PPP1R16B: variants seen among roughly 807,000 people sequenced by gnomAD.
PPP1R16B encodes protein phosphatase 1 regulatory subunit 16B, also known as protein phosphatase 1 regulatory inhibitor subunit 16B.
A neutral mutation model predicts 61.7 loss-of-function variants in PPP1R16B; 14 were observed. The ratio of observed to expected loss-of-function variants is 0.23; its 90% CI spans 0.15 to 0.35. PPP1R16B has a LOEUF of 0.35. Ranked by LOEUF, PPP1R16B falls within the 10% of genes least tolerant of loss-of-function variation. The probability of loss-of-function intolerance (pLI) is 1.00; values close to 1 mark genes in which losing one functional copy is unlikely to be tolerated. For missense variants in PPP1R16B, 547 were observed against 752.5 expected, an observed-to-expected ratio of 0.73 and a Z score of 3.19; for synonymous variants, 266 against 305.3, an observed-to-expected ratio of 0.87 and a Z score of 1.34.
intron 1 of PPP1R16B, among the ~76,000 whole-genome samples, chr20:38,818,458 G>T (rs1344879505): frequency 3.9e-5 from 6 of 152,186 alleles, no homozygotes; most frequent in Non-Finnish European, 7.3e-5. Flanking sequence ...GGTTTAGGCT[G>T]AGAGCTTGAA....
chr20:38,901,922 T>G (rs2085397435), intron 5 of PPP1R16B, among the ~76,000 whole-genome samples: 1 of 152,230 alleles, frequency 6.6e-6, no homozygotes, highest in Admixed American at 6.5e-5. Flanking sequence ...TTTGCTTACA[T>G]TCTAATGGTA....
chr20:38,886,058 G>T (rs2085242676), intron 2 of PPP1R16B, among the ~76,000 whole-genome samples: 1 of 152,194 alleles, frequency 6.6e-6, no homozygotes, highest in Non-Finnish European at 1.5e-5. Flanking sequence ...TTACAGGCAT[G>T]AGCCACCGTG....
At chr20:38,823,222 A>C (rs2084783626) in intron 1 of PPP1R16B, among the ~76,000 whole-genome samples, 1 of 152,218 alleles carries the variant, frequency 6.6e-6, no homozygotes, top group South Asian at 2.1e-4. Context: ...AACTTCACTT[A>C]CCAAAATGTA....
intron 5 of PPP1R16B, among the ~76,000 whole-genome samples, chr20:38,902,109 C>T (rs574049219): frequency 1.3e-5 from 2 of 152,286 alleles, no homozygotes; most frequent in African/African-American, 2.4e-5. Context: ...ACTTTTAAGA[C>T]AGGAATGGGA....
intron 2 of PPP1R16B, among the ~76,000 whole-genome samples, chr20:38,881,044 C>T (rs2085200066): frequency 6.6e-6 from 1 of 152,170 alleles, no homozygotes; most frequent in South Asian, 2.1e-4. Flanking sequence ...GGGCTGGCTC[C>T]TGGGACCTGA....
At chr20:38,874,014 C>A (rs1344398032) in intron 2 of PPP1R16B, among the ~76,000 whole-genome samples, 3 of 152,174 alleles carry the variant, frequency 2.0e-5, no homozygotes, top group Non-Finnish European at 4.4e-5. Flanking sequence ...CAGGCATGAG[C>A]CACCGTGCCT....
At chr20:38,807,404 A>T (rs1333141359) in intron 1 of PPP1R16B, among the ~76,000 whole-genome samples, 1 of 152,156 alleles carries the variant, frequency 6.6e-6, no homozygotes, top group Non-Finnish European at 1.5e-5. Flanking sequence ...TCCTTGGCCA[A>T]TACTGGCCGC....
intron 2 of PPP1R16B, among the ~76,000 whole-genome samples, chr20:38,880,343 A>G (rs2145752073): frequency 6.6e-6 from 1 of 152,288 alleles, no homozygotes; most frequent in South Asian, 2.1e-4. Context: ...GAATCTAAGT[A>G]AGAATTAACC....
intron 2 of PPP1R16B, among the ~76,000 whole-genome samples, chr20:38,877,952 GTTTT>G (rs34151516): frequency 4.3e-3 from 249 of 57,788 alleles, no homozygotes; most frequent in African/African-American, 8.5e-3. Context: ...GCACACAGTT[GTTTT>G]TTTTTTTTTT....
chr20:38,840,641 G>T (rs550819860), intron 2 of PPP1R16B, among the ~76,000 whole-genome samples: 1 of 152,314 alleles, frequency 6.6e-6, no homozygotes, highest in African/African-American at 2.4e-5. Flanking sequence ...CCATCTGTGA[G>T]CCTTTTCCCG....
At chr20:38,885,036 C>CAAAAAAAAAAAAAAAAA (rs71330453) in intron 2 of PPP1R16B, among the ~76,000 whole-genome samples, 1 of 67,826 alleles carries the variant, frequency 1.5e-5, no homozygotes, top group African/African-American at 6.5e-5. Context: ...AACTCTGTCT[C>CAAAAAAAAAAAAAAAAA]AAAAAAAAAA....
chr20:38,833,931 G>A (rs554403998), intron 1 of PPP1R16B, among the ~76,000 whole-genome samples: 5 of 152,300 alleles, frequency 3.3e-5, no homozygotes, highest in East Asian at 1.9e-4. Context: ...TGACGCAGGC[G>A]ACCCAGGAGA....
At chr20:38,843,158 T>G (rs2084919239) in intron 2 of PPP1R16B, among the ~76,000 whole-genome samples, 1 of 152,266 alleles carries the variant, frequency 6.6e-6, no homozygotes, top group South Asian at 2.1e-4. Context: ...CTACCCATAT[T>G]TACTGTATTC....
At chr20:38,891,581 C>A (rs928014424) in intron 3 of PPP1R16B, among the ~76,000 whole-genome samples, 1 of 152,122 alleles carries the variant, frequency 6.6e-6, no homozygotes, top group African/African-American at 2.4e-5. Flanking sequence ...AGGTGGATCA[C>A]CTGAAGTCAG....
intron 1 of PPP1R16B, among the ~76,000 whole-genome samples, chr20:38,832,866 C>G (rs1197503206): frequency 6.7e-6 from 1 of 148,200 alleles, no homozygotes; most frequent in Admixed American, 6.8e-5. Flanking sequence ...TGCAGTGAGC[C>G]GAGATCACGC....
At chr20:38,884,676 G>A (rs917158744) in intron 2 of PPP1R16B, among the ~76,000 whole-genome samples, 2 of 152,160 alleles carry the variant, frequency 1.3e-5, no homozygotes, top group Admixed American at 6.5e-5. Flanking sequence ...TTGTGCGTGC[G>A]CCTGGAGTCT....
intron 1 of PPP1R16B, among the ~76,000 whole-genome samples, chr20:38,817,365 C>A (rs112031102): frequency 3.9e-5 from 6 of 151,908 alleles, no homozygotes; most frequent in Admixed American, 1.3e-4. Flanking sequence ...GAGTTCAAGA[C>A]CGGCCTAGCC....
At chr20:38,829,507 T>C (rs2084824039) in intron 1 of PPP1R16B, among the ~76,000 whole-genome samples, 1 of 152,246 alleles carries the variant, frequency 6.6e-6, no homozygotes, top group Admixed American at 6.5e-5. Flanking sequence ...TCCATGGAGC[T>C]GGTTTTCCTC....
At chr20:38,874,322 G>A (rs2085151161) in intron 2 of PPP1R16B, among the ~76,000 whole-genome samples, 1 of 152,184 alleles carries the variant, frequency 6.6e-6, no homozygotes, top group Non-Finnish European at 1.5e-5. Flanking sequence ...GCCAGGAGGT[G>A]GGGTAGGGGA....
Sources: gnomAD v4.1 joint callset for allele counts (sites outside exome capture counted in the v4.1 genomes callset) on GRCh38, gnomAD v4.1.1 for gene constraint, MANE v1.5 for transcripts, NCBI Gene and HGNC (gene_info 2026-07-23, HGNC 2026-07-21) for gene names.